Variants in DCC observed in about 807,000 individuals in gnomAD.
DCC encodes netrin receptor DCC.
Under a neutral mutation model 172.5 loss-of-function variants are expected in DCC, and 58 were observed. That is an observed-to-expected ratio of 0.34 (90% CI 0.27 to 0.42). The LOEUF is 0.42. DCC is among the 10% of genes least tolerant of loss of function. The pLI is 1.00. For synonymous variants in DCC, 709 were observed against 644.5 expected (o/e 1.10, Z -1.52); for missense variants, 1,740 against 1,791.0 (o/e 0.97, Z 0.51).
chr18:53,103,570 G>C (rs1339179303), intron 7 of DCC, among the ~76,000 whole-genome samples: 1 of 151,828 alleles, frequency 6.6e-6, no homozygotes, highest in Non-Finnish European at 1.5e-5. Flanking sequence ...AAAATAATGT[G>C]CTATGACTCT....
intron 7 of DCC, among the ~76,000 whole-genome samples, chr18:53,150,597 C>T (rs1215771435): frequency 6.6e-6 from 1 of 152,120 alleles, no homozygotes; most frequent in African/African-American, 2.4e-5. Flanking sequence ...TTGTCTTGTC[C>T]AGATCCTGTG....
At chr18:53,139,308 G>C (rs1012331981) in intron 7 of DCC, among the ~76,000 whole-genome samples, 1 of 152,040 alleles carries the variant, frequency 6.6e-6, no homozygotes, top group African/African-American at 2.4e-5. Context: ...CTTTCTTCTG[G>C]GATCAGAAAA....
chr18:53,519,215 A>T (rs2046372570), intron 27 of DCC, among the ~76,000 whole-genome samples: 1 of 152,104 alleles, frequency 6.6e-6, no homozygotes, highest in African/African-American at 2.4e-5. Context: ...AGACCCCAAA[A>T]TCCAAAGAAA....
chr18:52,509,404 C>T (rs1200153822), intron 1 of DCC, among the ~76,000 whole-genome samples: 5 of 152,108 alleles, frequency 3.3e-5, no homozygotes, highest in Admixed American at 3.3e-4. Context: ...CTCTGTGGCT[C>T]GTATTACATC....
intron 1 of DCC, among the ~76,000 whole-genome samples, chr18:52,420,164 C>T (rs1044982356): frequency 6.6e-6 from 1 of 152,066 alleles, no homozygotes; most frequent in Non-Finnish European, 1.5e-5. Flanking sequence ...AACAAGGCAC[C>T]AAGATGGGGA....
intron 7 of DCC, among the ~76,000 whole-genome samples, chr18:53,139,773 G>A (rs72921429): frequency 0.11 from 16,955 of 152,078 alleles, 1,064 homozygotes; most frequent in Non-Finnish European, 0.13. Flanking sequence ...CTTAACCACT[G>A]TTCTTTGCCA....
intron 15 of DCC, among the ~76,000 whole-genome samples, chr18:53,348,335 A>G (rs374091512): frequency 2.8e-3 from 427 of 152,304 alleles, no homozygotes; most frequent in African/African-American, 9.9e-3. Context: ...CTTTGACTCC[A>G]TGTCTCATAT....
intron 8 of DCC, among the ~76,000 whole-genome samples, chr18:53,168,884 T>G (rs2054967314): frequency 6.6e-6 from 1 of 152,086 alleles, no homozygotes; most frequent in South Asian, 2.1e-4. Flanking sequence ...GAGATCTCAT[T>G]AATCTAGAAT....
At chr18:53,217,586 A>T (rs1401593610) in intron 12 of DCC, among the ~76,000 whole-genome samples, 1 of 152,112 alleles carries the variant, frequency 6.6e-6, no homozygotes, top group Non-Finnish European at 1.5e-5. Flanking sequence ...TTTATATCAG[A>T]CTGTTTTCAA....
chr18:53,267,731 G>T (rs925983795), intron 12 of DCC, among the ~76,000 whole-genome samples: 1 of 152,086 alleles, frequency 6.6e-6, no homozygotes, highest in Non-Finnish European at 1.5e-5. Flanking sequence ...CTCCCCAAAT[G>T]CTAGGATTAA....
At chr18:52,731,154 G>A (rs984578655) in intron 1 of DCC, among the ~76,000 whole-genome samples, 8 of 152,148 alleles carry the variant, frequency 5.3e-5, no homozygotes, top group Non-Finnish European at 1.5e-5. Context: ...TTCCTGATGC[G>A]AGTTATTGAG....
At chr18:52,861,682 T>C (rs1439208736) in intron 2 of DCC, among the ~76,000 whole-genome samples, 3 of 152,170 alleles carry the variant, frequency 2.0e-5, no homozygotes, top group African/African-American at 7.2e-5. Flanking sequence ...AGCGTTTAAG[T>C]CCTATGTCAG....
At chr18:52,734,595 G>T (rs940125648) in intron 1 of DCC, among the ~76,000 whole-genome samples, 2 of 152,010 alleles carry the variant, frequency 1.3e-5, no homozygotes, top group Admixed American at 1.3e-4. Flanking sequence ...CTCTGGCCCT[G>T]CATCCCCATA....
chr18:53,250,825 G>A (rs2056421532), intron 12 of DCC, among the ~76,000 whole-genome samples: 1 of 151,732 alleles, frequency 6.6e-6, no homozygotes, highest in Non-Finnish European at 1.5e-5. Flanking sequence ...CCATGTTCAG[G>A]ATCTCCACTT....
At chr18:53,279,085 C>T (rs1189126972) in intron 12 of DCC, among the ~76,000 whole-genome samples, 1 of 152,174 alleles carries the variant, frequency 6.6e-6, no homozygotes, top group Non-Finnish European at 1.5e-5. Context: ...TGTTTCCTGG[C>T]TTTTCAATGA....
At chr18:52,830,299 T>C (rs2038589842) in intron 2 of DCC, among the ~76,000 whole-genome samples, 1 of 152,346 alleles carries the variant, frequency 6.6e-6, no homozygotes, top group African/African-American at 2.4e-5. Flanking sequence ...ATTTAGTTTT[T>C]TTAGCTCATC....
At chr18:53,119,037 A>G (rs370532360) in intron 7 of DCC, among the ~76,000 whole-genome samples, 1 of 151,816 alleles carries the variant, frequency 6.6e-6, no homozygotes, top group Non-Finnish European at 1.5e-5. Context: ...GCTCCCACCT[A>G]TTAGAAGTAA....
chr18:52,749,767 G>A (rs1568080386), intron 1 of DCC, among the ~76,000 whole-genome samples: 2 of 152,150 alleles, frequency 1.3e-5, no homozygotes, highest in Admixed American at 1.3e-4. Context: ...TGTATTATGT[G>A]TTCTGTGACA....
chr18:53,416,262 A>C, intron 21 of DCC, 106 bp downstream of exon 21: 1 of 823,568 alleles, frequency 1.2e-6, no homozygotes, highest in Non-Finnish European at 2.1e-6. Flanking sequence ...CATACACCTG[A>C]TGAAGCAGAC....
Sources: allele counts gnomAD v4.1 joint callset (sites outside exome capture counted in the v4.1 genomes callset), GRCh38; gene constraint gnomAD v4.1.1; transcripts MANE v1.5; gene names NCBI Gene and HGNC (gene_info 2026-07-23, HGNC 2026-07-21).